DLG2: variants seen among roughly 807,000 people sequenced by gnomAD.
The protein encoded by DLG2 is discs large MAGUK scaffold protein 2, also known as disks large homolog 2.
In DLG2, 45 loss-of-function variants were observed where a neutral mutation model predicts 132.5. The ratio of observed to expected loss-of-function variants is 0.34; its 90% CI spans 0.27 to 0.44. DLG2 has a LOEUF of 0.44. Among genes scored for constraint, DLG2 ranks in the 20% least tolerant of loss-of-function variants. The pLI is 1.00. For missense variants in DLG2, 1,045 were observed against 1,196.9 expected, an observed-to-expected ratio of 0.87 and a Z score of 1.87; for synonymous variants, 424 against 419.6, an observed-to-expected ratio of 1.01 and a Z score of -0.13.
Position 84,702,969 on chromosome 11 carries a change from T to G in DLG2, c.358-168238A>C, listed in dbSNP as rs551953269. 7.9e-5 allele frequency among the ~76,000 whole-genome samples: 12 copies of G among 151,786 alleles called. 1 individual carries two copies. In the East Asian group the frequency reaches 2.3e-3, roughly 30 times the overall value. On this transcript the variant is annotated intron_variant, in intron 6 of 27. Transcript: ENST00000376104. Reference sequence around the variant, plus strand: ...AAGTAAATGAACTAATAATTACATATTGAGAGAATCAACTTTTTCCTACAG... The same window carrying G: ...AAGTAAATGAACTAATAATTACATAGTGAGAGAATCAACTTTTTCCTACAG...
At chr11:85,217,512 G>T (rs1003208503) in intron 4 of DLG2, among the ~76,000 whole-genome samples, 1 of 152,118 alleles carries the variant, frequency 6.6e-6, no homozygotes, top group African/African-American at 2.4e-5. Context: ...TTAAACACCA[G>T]AGTCAAGATA....
At chr11:85,478,661 T>A (rs1163580048) in intron 3 of DLG2, among the ~76,000 whole-genome samples, 1 of 152,160 alleles carries the variant, frequency 6.6e-6, no homozygotes, top group Non-Finnish European at 1.5e-5. Flanking sequence ...AACAACTGCC[T>A]CCCATTGTTG....
In DLG2 at chr11:83,991,890, G is replaced by T. The variant is rs955316155; in HGVS notation, c.920-11248C>A. ...GAAGTTCTTTGCAGATGTGACTTAA[G>T]AAGATGAGGTTATATTGGATCAGGG... On this transcript the variant is annotated intron_variant, in intron 11 of 27. Transcript: ENST00000376104. 3.3e-5 allele frequency among the ~76,000 whole-genome samples: 5 copies of T among 152,246 alleles called. No individual in the cohort carries two copies. In the South Asian group the frequency reaches 1.0e-3, roughly 32 times the overall value.
At chr11:84,060,340 T>C (rs1220947986) in intron 10 of DLG2, among the ~76,000 whole-genome samples, 1 of 151,956 alleles carries the variant, frequency 6.6e-6, no homozygotes, top group Non-Finnish European at 1.5e-5. Flanking sequence ...TAATAATAAA[T>C]TAAATAAGTC....
intron 3 of DLG2, among the ~76,000 whole-genome samples, chr11:85,289,881 A>G (rs1219638717): frequency 1.3e-5 from 2 of 152,194 alleles, no homozygotes; most frequent in African/African-American, 4.8e-5. Flanking sequence ...TACTGCTTGA[A>G]TCTACTCAAA....
At chr11:84,142,130 C>T (rs1452835571) in intron 9 of DLG2, among the ~76,000 whole-genome samples, 1 of 151,874 alleles carries the variant, frequency 6.6e-6, no homozygotes, top group Non-Finnish European at 1.5e-5. Context: ...GGTGAAACCA[C>T]ATCTCTACTA....
intron 15 of DLG2, among the ~76,000 whole-genome samples, chr11:83,906,061 C>G (rs1476522814): frequency 3.4e-4 from 31 of 91,620 alleles, no homozygotes; most frequent in African/African-American, 8.8e-4. Context: ...CTGTCTCTCT[C>G]TCTCTCTCTC....
intron 18 of DLG2, among the ~76,000 whole-genome samples, chr11:83,773,832 C>T (rs554718647): frequency 6.0e-4 from 92 of 152,306 alleles, no homozygotes; most frequent in African/African-American, 1.9e-3. Flanking sequence ...GTGAGCAAGA[C>T]AGACAAAACA....
At chr11:84,854,803 C>T (rs1434612086) in intron 6 of DLG2, among the ~76,000 whole-genome samples, 2 of 151,988 alleles carry the variant, frequency 1.3e-5, no homozygotes, top group African/African-American at 4.8e-5. Flanking sequence ...GTGGACTGCT[C>T]TCTGTACCCC....
rs540954043 is a variant in DLG2, at chr11:85,009,624, C to T, written c.357+102037G>A. Reference sequence around the variant, plus strand: ...AACTTTTTTTCTGTTCTTAACAACACAGAACTATTAATTATTGAAACATTT... The same window carrying T: ...AACTTTTTTTCTGTTCTTAACAACATAGAACTATTAATTATTGAAACATTT... On this transcript the variant is annotated intron_variant, in intron 6 of 27. Transcript: ENST00000376104. 2.0e-5 allele frequency among the ~76,000 whole-genome samples: 3 copies of T among 152,118 alleles called. No homozygotes were observed. The South Asian group carries it at 6.2e-4, about 32-fold the overall frequency.
chr11:85,567,484 T>G (rs1208923066), intron 3 of DLG2, among the ~76,000 whole-genome samples: 1 of 152,200 alleles, frequency 6.6e-6, no homozygotes, highest in East Asian at 1.9e-4. Flanking sequence ...ATTGATTGCT[T>G]TTGTATTCTA....
chr11:84,132,461 G>A (rs186568659), intron 9 of DLG2, among the ~76,000 whole-genome samples: 116 of 151,962 alleles, frequency 7.6e-4, no homozygotes, highest in Admixed American at 2.0e-3. Context: ...AATGATTCCT[G>A]AACACACACA....
At chr11:84,648,268 AGGCT>A (rs1006199103) in intron 6 of DLG2, among the ~76,000 whole-genome samples, 3 of 152,212 alleles carry the variant, frequency 2.0e-5, no homozygotes, top group African/African-American at 4.8e-5. Context: ...AAGAAGAAAC[AGGCT>A]GGTTCTGATA....
chr11:84,938,822 A>G (rs1417912405), intron 6 of DLG2, among the ~76,000 whole-genome samples: 2 of 152,198 alleles, frequency 1.3e-5, no homozygotes, highest in African/African-American at 4.8e-5. Context: ...GCTTCATCTT[A>G]TATAAGAACA....
rs142764455 is a variant in DLG2 at position 84,748,367 on chromosome 11, G to A, written c.358-213636C>T. Among the ~76,000 whole-genome samples the A allele has an allele frequency of 4.5e-4, 69 of 152,228 alleles. 1 individual carries two copies. In the East Asian group the frequency reaches 0.013, roughly 28 times the overall value. On this transcript the variant is annotated intron_variant, in intron 6 of 27. Transcript: ENST00000376104. ...CATAATCACATTTATGTTCATTACA[G>A]GATGTGTACCAATAACTACATAATG...
At chr11:83,589,732 T>C (rs1431038443) in intron 19 of DLG2, among the ~76,000 whole-genome samples, 1 of 151,342 alleles carries the variant, frequency 6.6e-6, no homozygotes, top group Non-Finnish European at 1.5e-5. Context: ...CAGTGTGCTG[T>C]ATTCAGGAAA....
At chr11:83,667,421 A>C (rs1228897636) in intron 18 of DLG2, among the ~76,000 whole-genome samples, 1 of 152,218 alleles carries the variant, frequency 6.6e-6, no homozygotes, top group Non-Finnish European at 1.5e-5. Context: ...CTTGTAAACA[A>C]TTCTGTTTTT....
intron 3 of DLG2, among the ~76,000 whole-genome samples, chr11:85,377,784 C>CATATAG (rs1555086322): frequency 7.7e-6 from 1 of 130,264 alleles, no homozygotes. Context: ...TGTGTGTATA[C>CATATAG]ATATATATAT....
chr11:83,959,189 T>C (rs1211290672), intron 14 of DLG2, among the ~76,000 whole-genome samples: 1 of 152,144 alleles, frequency 6.6e-6, no homozygotes, highest in East Asian at 1.9e-4. Flanking sequence ...TCCCAGTTTA[T>C]GCAGGTGTAC....
Sources: gnomAD v4.1 joint callset for allele counts (sites outside exome capture counted in the v4.1 genomes callset) on GRCh38, gnomAD v4.1.1 for gene constraint, MANE v1.5 for transcripts, NCBI Gene and HGNC (gene_info 2026-07-23, HGNC 2026-07-21) for gene names.